Variants in MAP4K5 observed in about 807,000 individuals in gnomAD.
MAP4K5 encodes MAPK/ERK kinase kinase kinase 5.
Under a neutral mutation model 135.6 loss-of-function variants are expected in MAP4K5, and 82 were observed. The ratio of observed to expected loss-of-function variants is 0.60; its 90% CI spans 0.51 to 0.73. The LOEUF (loss-of-function observed/expected upper bound fraction) is 0.73. MAP4K5 is among the 30% of genes least tolerant of loss of function. The pLI is 0.00. For missense variants in MAP4K5, 907 were observed against 1,010.9 expected (o/e 0.90, Z 1.39); for synonymous variants, 347 against 335.0 (o/e 1.04, Z -0.39).
rs77463662 is a variant in MAP4K5, at chr14:50,456,747, G to A, written c.937-153C>T. 4.0e-3 allele frequency: 2,330 copies of A among 575,620 alleles called. 41 individuals are homozygous for A. Among genetic ancestry groups the A allele is most frequent in the African/African-American group, 0.04 (2,090 of 52,062 alleles). 35.7% of individuals were successfully genotyped at this position (575,620 alleles called of 1,614,324 possible). The stretch of plus-strand genomic sequence containing the variant: ...AATACAATGAACGCTACAATACTTC[G>A]GAAGTTTTTTCACTTGTTCCATGTT... On this transcript the variant is annotated intron_variant, in intron 13 of 32. Transcript: ENST00000682126.
At chr14:50,471,812 A>C (rs1016836583) in intron 9 of MAP4K5, 6 of 152,232 alleles carry the variant, frequency 3.9e-5, no homozygotes, top group African/African-American at 1.4e-4. Flanking sequence ...AATACTAGAC[A>C]GAAACCCTAT....
chr14:50,504,501 C>T (rs2140016015), intron 3 of MAP4K5, among the ~76,000 whole-genome samples: 1 of 152,178 alleles, frequency 6.6e-6, no homozygotes, highest in African/African-American at 2.4e-5. Flanking sequence ...GAATACTTTC[C>T]TAATCAAATT....
chr14:50,505,636 C>G (rs1328194245), intron 2 of MAP4K5, among the ~76,000 whole-genome samples: 1 of 152,096 alleles, frequency 6.6e-6, no homozygotes, highest in South Asian at 2.1e-4. Flanking sequence ...CCTAGACATA[C>G]AATTGTGAGA....
intron 31 of MAP4K5, 66 bp downstream of exon 31, chr14:50,425,841 A>G: frequency 6.1e-6 from 7 of 1,140,270 alleles, no homozygotes; most frequent in African/African-American, 1.5e-5. Flanking sequence ...GGAAATGCAT[A>G]AAACGAGTGC....
chr14:50,528,562 A>C (rs2038317951), intron 2 of MAP4K5, among the ~76,000 whole-genome samples: 1 of 152,018 alleles, frequency 6.6e-6, no homozygotes, highest in African/African-American at 2.4e-5. Flanking sequence ...TACATTAAAA[A>C]AAAAAAAAAT....
At chr14:50,558,500 A>G (rs1308788909) in intron 1 of MAP4K5, among the ~76,000 whole-genome samples, 1 of 152,262 alleles carries the variant, frequency 6.6e-6, no homozygotes, top group Non-Finnish European at 1.5e-5. Context: ...AGTCACATAC[A>G]GAGAGCTATT....
chr14:50,440,514 C>T (rs2036203519), intron 21 of MAP4K5, 73 bp from the exon 22 acceptor site: 1 of 759,762 alleles, frequency 1.3e-6, no homozygotes, highest in Admixed American at 2.6e-5. Flanking sequence ...AATGACTTTA[C>T]ATTGTAATGG....
At position 50,499,776 on chromosome 14, in the gene MAP4K5, G is replaced by C. The variant is rs1271741924; in HGVS notation, c.166+5024C>G. ...TTGAAATAAAGAAAAAATCAAAACT[G>C]CAGATGAAAAAAGCAGCTCATTGTG... On this transcript the variant is annotated intron_variant, in intron 3 of 32. Transcript: ENST00000682126. Among the ~76,000 whole-genome samples, 15 of 152,002 alleles carry C rather than the reference G, an allele frequency of 9.9e-5. 1 individual carries two copies. Among genetic ancestry groups the C allele is most frequent in the Admixed American group, 9.8e-4 (15 of 15,264 alleles).
At chr14:50,530,598 T>A (rs1240534005) in intron 2 of MAP4K5, among the ~76,000 whole-genome samples, 1 of 152,178 alleles carries the variant, frequency 6.6e-6, no homozygotes, top group Non-Finnish European at 1.5e-5. Flanking sequence ...AATCCCTGGA[T>A]AAACAACTAA....
chr14:50,434,068 T>C (rs1029964837), intron 28 of MAP4K5, among the ~76,000 whole-genome samples: 7 of 152,202 alleles, frequency 4.6e-5, no homozygotes, highest in African/African-American at 1.7e-4. Context: ...AGCTCTTTGC[T>C]TGAGGCTTGA....
intron 3 of MAP4K5, among the ~76,000 whole-genome samples, chr14:50,497,515 C>T (rs1438165874): frequency 2.6e-5 from 4 of 152,172 alleles, no homozygotes; most frequent in African/African-American, 4.8e-5. Flanking sequence ...TGACACTTGT[C>T]CTATTTGGCC....
In MAP4K5 at chr14:50,531,957, G is replaced by A. The variant is rs776232945; in HGVS notation, c.93C>T (p.Tyr31=). 5 of 1,600,790 alleles carry A rather than the reference G, an allele frequency of 3.1e-6. No homozygotes were observed. In the African/African-American group the frequency reaches 4.0e-5, roughly 13 times the overall value. ...CCTCACTTACCTTATAGACGTCCCC[G>A]TAGGTGCCGCTGCCGACCCTCTGGA... is the stretch of plus-strand genomic sequence containing the variant. ...ELVQRVGSGT[Y]GDVYKARNVH... Residue 31 remains tyrosine, a synonymous_variant, in exon 2 of 33, where the codon TAC becomes TAT. Transcript: ENST00000682126.
At chr14:50,451,217 T>C (rs1185872144) in intron 14 of MAP4K5, among the ~76,000 whole-genome samples, 1 of 151,906 alleles carries the variant, frequency 6.6e-6, no homozygotes, top group Non-Finnish European at 1.5e-5. Flanking sequence ...ATCAATAAGC[T>C]TCAAGTCACG....
chr14:50,518,708 T>C (rs2038085535), intron 2 of MAP4K5, among the ~76,000 whole-genome samples: 1 of 152,242 alleles, frequency 6.6e-6, no homozygotes, highest in Non-Finnish European at 1.5e-5. Context: ...CCCAATCTAT[T>C]AGGATACTCA....
chr14:50,461,113 C>T (rs1164704275), intron 13 of MAP4K5, among the ~76,000 whole-genome samples: 3 of 152,066 alleles, frequency 2.0e-5, no homozygotes, highest in Non-Finnish European at 4.4e-5. Flanking sequence ...GCAACCTCTG[C>T]CTCCTGGGTT....
intron 3 of MAP4K5, among the ~76,000 whole-genome samples, chr14:50,501,739 A>C (rs1038381780): frequency 2.6e-5 from 4 of 152,200 alleles, no homozygotes; most frequent in African/African-American, 7.2e-5. Context: ...AAGATCATTA[A>C]GGGAGTGAAT....
At chr14:50,469,471 A>G (rs1453268995) in intron 9 of MAP4K5, among the ~76,000 whole-genome samples, 1 of 152,190 alleles carries the variant, frequency 6.6e-6, no homozygotes, top group African/African-American at 2.4e-5. Context: ...AAAAGGTTAG[A>G]CTTTATCATG....
chr14:50,557,462 C>A (rs1379345844), intron 1 of MAP4K5, among the ~76,000 whole-genome samples: 1 of 152,030 alleles, frequency 6.6e-6, no homozygotes, highest in Non-Finnish European at 1.5e-5. Context: ...TCACTTTTTC[C>A]TCCTCATTTA....
At chr14:50,520,853 A>C (rs2038135491) in intron 2 of MAP4K5, among the ~76,000 whole-genome samples, 2 of 126,182 alleles carry the variant, frequency 1.6e-5, no homozygotes, top group Admixed American at 9.1e-5. Context: ...ATGGAGTTTC[A>C]CTCTTGTTGC....
Sources: gnomAD v4.1 joint callset for allele counts (sites outside exome capture counted in the v4.1 genomes callset) on GRCh38, gnomAD v4.1.1 for gene constraint, MANE v1.5 for transcripts, NCBI Gene and HGNC (gene_info 2026-07-23, HGNC 2026-07-21) for gene names.